Variants in CD9 observed in about 807,000 individuals in gnomAD.
CD9 encodes the protein CD9 antigen.
CD9 carries 10 observed loss-of-function variants against 31.4 expected under a neutral mutation model. The ratio of observed to expected loss-of-function variants is 0.32; its 90% CI spans 0.20 to 0.54. The LOEUF (loss-of-function observed/expected upper bound fraction) is 0.54. CD9 is among the 20% of genes least tolerant of loss of function. The pLI is 0.94. For missense variants in CD9, 259 were observed against 300.1 expected (o/e 0.86, Z 1.01); for synonymous variants, 113 against 114.1 (o/e 0.99, Z 0.06).
At chr12:6,212,888 T>C (rs893924012) in intron 1 of CD9, among the ~76,000 whole-genome samples, 1 of 151,956 alleles carries the variant, frequency 6.6e-6, no homozygotes, top group African/African-American at 2.4e-5. Flanking sequence ...TATAAAAGAG[T>C]GACATATAAT....
rs552339318 is a variant in CD9 at position 6,233,615 on chromosome 12, G to A, written c.348+129G>A. 3.6e-4 allele frequency: 253 copies of A among 711,626 alleles called. 2 individuals are homozygous for A. The highest frequency in any genetic ancestry group is 3.5e-3 in the South Asian group (214 of 61,424). The allele number at this position is 711,626 out of a possible 1,614,324, so 44.1% of individuals were successfully genotyped here. On this transcript the variant is annotated intron_variant, in intron 4 of 7. Coordinates refer to ENST00000009180, the MANE Select transcript of CD9 (RefSeq NM_001769.4). ...TTGACCAGGCCTCTTATCTCATCGCGTCCCTGTGTGCCAGCGAATGTGCCC... is the reference window on the plus strand; with the variant it reads ...TTGACCAGGCCTCTTATCTCATCGCATCCCTGTGTGCCAGCGAATGTGCCC...
intron 1 of CD9, among the ~76,000 whole-genome samples, chr12:6,208,660 C>G (rs1332994497): frequency 6.6e-6 from 1 of 152,022 alleles, no homozygotes; most frequent in Admixed American, 6.6e-5. Flanking sequence ...CAACCTCCGC[C>G]TCCTGAGTTC....
chr12:6,235,767 A>G (rs1332668353), intron 6 of CD9: 1 of 1,401,548 alleles, frequency 7.1e-7, no homozygotes, highest in Non-Finnish European at 9.2e-7. Flanking sequence ...GACCAGGGGA[A>G]TGACAAGTGT....
intron 1 of CD9, among the ~76,000 whole-genome samples, chr12:6,212,038 A>C (rs1474000069): frequency 6.6e-6 from 1 of 152,188 alleles, no homozygotes; most frequent in African/African-American, 2.4e-5. Flanking sequence ...GTAGCTGCCT[A>C]ATTTCCAGAA....
Position 6,232,696 on chromosome 12 carries a change from G to A in CD9, c.240G>A (p.Gly80=). ...MMLVGFLGCC[G]AVQESQCMLG... ...TGGTGGGCTTCCTGGGCTGCTGCGG[G>A]GCTGTGCAGGAGTCCCAGTGCATGC... The change falls in exon 3 of 8, where the codon GGG becomes GGA. Residue 80 remains glycine, a synonymous_variant. Transcript: ENST00000009180. This position sits in a 1 kb window ranked among gnomAD's most constrained non-coding sequence, Gnocchi z 4.8. The A allele has an allele frequency of 3.2e-6, 5 of 1,575,360 alleles. No homozygotes were observed. The highest frequency in any genetic ancestry group is 1.7e-4 in the Middle Eastern group (1 of 5,724).
chr12:6,208,296 C>T (rs1027277030), intron 1 of CD9, among the ~76,000 whole-genome samples: 5 of 151,860 alleles, frequency 3.3e-5, no homozygotes, highest in South Asian at 2.1e-4. Flanking sequence ...TTTCCAGTGA[C>T]ACCTCTGAGC....
chr12:6,222,687 A>G (rs910931676), intron 1 of CD9, among the ~76,000 whole-genome samples: 1 of 152,178 alleles, frequency 6.6e-6, no homozygotes, highest in Non-Finnish European at 1.5e-5. Context: ...TGGACTTAAC[A>G]TATTGGCTCA....
chr12:6,210,921 C>T (rs150208710), intron 1 of CD9, among the ~76,000 whole-genome samples: 1 of 151,108 alleles, frequency 6.6e-6, no homozygotes, highest in African/African-American at 2.4e-5. Context: ...ACTGCAACCT[C>T]TGCCTCCTGG....
At chr12:6,218,619 G>GT (rs2136616118) in intron 1 of CD9, among the ~76,000 whole-genome samples, 1 of 152,300 alleles carries the variant, frequency 6.6e-6, no homozygotes, top group East Asian at 1.9e-4. Context: ...ACACTTTGAT[G>GT]TTTTTTGTTT....
chr12:6,206,238 A>G (rs1349357652), intron 1 of CD9, among the ~76,000 whole-genome samples: 2 of 148,094 alleles, frequency 1.4e-5, no homozygotes, highest in African/African-American at 5.0e-5. Flanking sequence ...TTTTTTGGAG[A>G]CGGTGCTCAC....
intron 1 of CD9, among the ~76,000 whole-genome samples, chr12:6,215,873 T>C (rs921225497): frequency 4.6e-5 from 7 of 152,266 alleles, no homozygotes; most frequent in African/African-American, 1.7e-4. Flanking sequence ...TTTCTTCTGC[T>C]GATTACAGCG....
intron 2 of CD9, among the ~76,000 whole-genome samples, chr12:6,228,265 A>C (rs11568252): frequency 0.039 from 5,879 of 150,464 alleles, 337 homozygotes; most frequent in African/African-American, 0.13. Flanking sequence ...CACAGTGATC[A>C]GCCCTGATCT....
At chr12:6,207,963 G>A (rs1454258053) in intron 1 of CD9, among the ~76,000 whole-genome samples, 1 of 152,118 alleles carries the variant, frequency 6.6e-6, no homozygotes, top group Non-Finnish European at 1.5e-5. Context: ...GGTGGCTCAC[G>A]CCTATAATCC....
chr12:6,221,802 C>T (rs2136619657), intron 1 of CD9, among the ~76,000 whole-genome samples: 1 of 148,378 alleles, frequency 6.7e-6, no homozygotes, highest in Middle Eastern at 3.4e-3. Context: ...ATAGCGAGAC[C>T]CCTGGCTCTA....
At chr12:6,230,721 C>T (rs1260068220) in intron 2 of CD9, among the ~76,000 whole-genome samples, 1 of 152,260 alleles carries the variant, frequency 6.6e-6, no homozygotes. Context: ...CCTCCCCAAG[C>T]CCAGCTTGTG....
At chr12:6,231,610 G>A (rs1213557967) in intron 2 of CD9, among the ~76,000 whole-genome samples, 1 of 152,246 alleles carries the variant, frequency 6.6e-6, no homozygotes, top group Non-Finnish European at 1.5e-5. Context: ...TTGGTGGGTT[G>A]TGGAACGAAT....
chr12:6,218,214 T>A (rs1323668964), intron 1 of CD9, among the ~76,000 whole-genome samples: 7 of 142,310 alleles, frequency 4.9e-5, no homozygotes, highest in Non-Finnish European at 7.7e-5. Context: ...GGTGACAGAG[T>A]GAGACCCTGT....
intron 1 of CD9, among the ~76,000 whole-genome samples, chr12:6,217,680 C>G (rs1332211682): frequency 6.6e-6 from 1 of 152,190 alleles, no homozygotes; most frequent in Non-Finnish European, 1.5e-5. Context: ...TGACCATGGG[C>G]TCAGCAGAGT....
intron 1 of CD9, chr12:6,201,033 G>T (rs1946070333): frequency 6.5e-6 from 1 of 153,520 alleles, no homozygotes; most frequent in Admixed American, 6.5e-5. Context: ...CGCCAGGAAG[G>T]GAGGGTGCGG....
Sources: allele counts gnomAD v4.1 joint callset (sites outside exome capture counted in the v4.1 genomes callset), GRCh38; gene constraint gnomAD v4.1.1; non-coding constraint Gnocchi (gnomAD v3.1); transcripts MANE v1.5; gene names NCBI Gene and HGNC (gene_info 2026-07-23, HGNC 2026-07-21).